ANO4: variants seen among roughly 807,000 people sequenced by gnomAD.
ANO4 encodes anoctamin-4.
Under a neutral mutation model 141.9 loss-of-function variants are expected in ANO4, and 69 were observed. The ratio of observed to expected loss-of-function variants is 0.49; its 90% confidence interval spans 0.40 to 0.59. The LOEUF is 0.59. Among genes scored for constraint, ANO4 ranks in the 20% least tolerant of loss-of-function variants. The pLI, the probability that ANO4 is intolerant of heterozygous loss-of-function variation, is 0.00. For missense variants in ANO4, 894 were observed against 1,162.2 expected (o/e 0.77, Z 3.36); for synonymous variants, 350 against 394.3 (o/e 0.89, Z 1.33).
In ANO4 at chr12:101,096,660, C is replaced by T; in HGVS notation, c.1850+13C>T. 6.3e-7 allele frequency: 1 copy of T among 1,582,548 alleles called. No individual in the cohort carries two copies. Among genetic ancestry groups the T allele is most frequent in the Non-Finnish European group, 8.7e-7 (1 of 1,151,792 alleles). The stretch of plus-strand genomic sequence containing the variant: ...TCTTCCTCGGAAGGTAAGAACCTGA[C>T]CCCTGCACACCTCCCCAAGCTGAGG... On this transcript the variant is annotated intron_variant, in intron 19 of 27. Coordinates refer to ENST00000392977, the MANE Select transcript of ANO4 (RefSeq NM_001286615.2).
intron 6 of ANO4, among the ~76,000 whole-genome samples, chr12:100,974,430 A>G (rs1404258878): frequency 1.3e-5 from 2 of 152,136 alleles, no homozygotes; most frequent in African/African-American, 2.4e-5. Context: ...TTAAAATGCT[A>G]TATAAATATT....
intron 15 of ANO4, among the ~76,000 whole-genome samples, chr12:101,083,067 G>A (rs1593224553): frequency 6.6e-6 from 1 of 152,120 alleles, no homozygotes; most frequent in Non-Finnish European, 1.5e-5. Context: ...TTTGAAAGGT[G>A]CTTACCTTGT....
At chr12:100,778,606 T>C (rs775866698) in intron 3 of ANO4, among the ~76,000 whole-genome samples, 27 of 152,204 alleles carry the variant, frequency 1.8e-4, no homozygotes, top group Non-Finnish European at 2.5e-4. Flanking sequence ...AGACAGAAGA[T>C]CCAAAGATCT....
intron 2 of ANO4, among the ~76,000 whole-genome samples, chr12:100,917,548 C>G (rs1379975810): frequency 6.6e-6 from 1 of 152,312 alleles, no homozygotes; most frequent in Non-Finnish European, 1.5e-5. Flanking sequence ...CATTTAATCT[C>G]TCTCACTTGG....
chr12:101,080,592 C>T (rs1398952723), intron 15 of ANO4, among the ~76,000 whole-genome samples: 2 of 151,944 alleles, frequency 1.3e-5, no homozygotes, highest in Non-Finnish European at 2.9e-5. Flanking sequence ...TATAGATGGC[C>T]ATCTTCTCCC....
chr12:101,071,430 GA>G (rs753773264), intron 14 of ANO4, among the ~76,000 whole-genome samples: 1 of 151,254 alleles, frequency 6.6e-6, no homozygotes, highest in African/African-American at 2.4e-5. Flanking sequence ...GCCAGGCACA[GA>G]AAGACAAACT....
At chr12:101,103,017 TAATAA>T (rs2050251450) in intron 22 of ANO4, among the ~76,000 whole-genome samples, 1 of 151,372 alleles carries the variant, frequency 6.6e-6, no homozygotes, top group South Asian at 2.1e-4. Context: ...GTTTTGTTAC[TAATAA>T]TATACAGAAA....
chr12:100,855,774 A>C (rs1417723641), intron 1 of ANO4, among the ~76,000 whole-genome samples: 1 of 152,218 alleles, frequency 6.6e-6, no homozygotes, highest in Non-Finnish European at 1.5e-5. Flanking sequence ...ATAAATTCAC[A>C]TACCGACATA....
chr12:100,858,275 A>G (rs2038287184), intron 1 of ANO4, among the ~76,000 whole-genome samples: 1 of 151,852 alleles, frequency 6.6e-6, no homozygotes, highest in Non-Finnish European at 1.5e-5. Context: ...AAACCTGTAC[A>G]TGTTACTGTA....
intron 7 of ANO4, among the ~76,000 whole-genome samples, chr12:100,976,753 G>A (rs1355506326): frequency 3.9e-5 from 6 of 152,238 alleles, no homozygotes; most frequent in East Asian, 1.9e-4. Context: ...ACTATGGGAC[G>A]GGAAAACAAA....
At chr12:100,853,451 A>G (rs567255085) in intron 1 of ANO4, among the ~76,000 whole-genome samples, 1 of 152,266 alleles carries the variant, frequency 6.6e-6, no homozygotes, top group East Asian at 1.9e-4. Context: ...CTCTACAATT[A>G]CTTAGTAATA....
chr12:100,840,647 G>A lies in ANO4; in HGVS notation c.-141+45620G>A, dbSNP rs1593482699. 3.3e-5 allele frequency among the ~76,000 whole-genome samples: 5 copies of A among 152,254 alleles called. No homozygotes were observed. In the East Asian group the frequency reaches 9.7e-4, roughly 29 times the overall value. On this transcript the variant is annotated intron_variant, in intron 1 of 27. Transcript: ENST00000392977. ...AATAAACCTATATCCCATTTTCTGAGTCACAGTCCCTCAGACATGTGAAGG... is the reference window on the plus strand; with the variant it reads ...AATAAACCTATATCCCATTTTCTGAATCACAGTCCCTCAGACATGTGAAGG...
At chr12:100,854,871 A>T (rs2038082096) in intron 1 of ANO4, among the ~76,000 whole-genome samples, 1 of 151,932 alleles carries the variant, frequency 6.6e-6, no homozygotes. Context: ...TGTTGTTTGT[A>T]TGTACATTTT....
At chr12:100,861,531 C>T (rs1424191866) in intron 1 of ANO4, among the ~76,000 whole-genome samples, 1 of 152,048 alleles carries the variant, frequency 6.6e-6, no homozygotes, top group African/African-American at 2.4e-5. Flanking sequence ...TGAATGAAGC[C>T]TGCGGAACTG....
At chr12:100,887,088 A>G (rs1218172634) in intron 1 of ANO4, among the ~76,000 whole-genome samples, 1 of 152,242 alleles carries the variant, frequency 6.6e-6, no homozygotes, top group Non-Finnish European at 1.5e-5. Context: ...AGTGACAAAA[A>G]TCTTATATAA....
intron 26 of ANO4, among the ~76,000 whole-genome samples, chr12:101,122,819 T>C (rs548562001): frequency 8.5e-5 from 13 of 152,314 alleles, no homozygotes; most frequent in African/African-American, 3.1e-4. Context: ...CCAATAGGAC[T>C]GGGTATTACA....
intron 14 of ANO4, among the ~76,000 whole-genome samples, chr12:101,048,642 A>C (rs1197584839): frequency 1.3e-5 from 2 of 152,198 alleles, no homozygotes; most frequent in African/African-American, 4.8e-5. Flanking sequence ...TTAGAGTAGA[A>C]TTTACTTTCT....
At chr12:100,919,726 G>GTGTGTGTA (rs1246605290) in intron 2 of ANO4, among the ~76,000 whole-genome samples, 7 of 132,096 alleles carry the variant, frequency 5.3e-5, no homozygotes, top group Non-Finnish European at 1.1e-4. Context: ...GTATGTATGT[G>GTGTGTGTA]TGTATGTATG....
intron 15 of ANO4, among the ~76,000 whole-genome samples, chr12:101,081,480 C>T (rs1044296306): frequency 1.3e-5 from 2 of 152,182 alleles, no homozygotes; most frequent in African/African-American, 4.8e-5. Context: ...ATTGTCCTCT[C>T]ACTCTGCATA....
Sources: gnomAD v4.1 joint callset for allele counts (sites outside exome capture counted in the v4.1 genomes callset) on GRCh38, gnomAD v4.1.1 for gene constraint, MANE v1.5 for transcripts, NCBI Gene and HGNC (gene_info 2026-07-23, HGNC 2026-07-21) for gene names.